SLC24A3: variants seen among roughly 807,000 people sequenced by gnomAD.
The protein encoded by SLC24A3 is solute carrier family 24 member 3, also known as sodium/potassium/calcium exchanger 3.
In SLC24A3, 28 loss-of-function variants were observed where a neutral mutation model predicts 75.8. The observed-to-expected ratio is 0.37, with a 90% CI of 0.27 to 0.51. The LOEUF (loss-of-function observed/expected upper bound fraction) is 0.51, where lower values mean the gene tolerates loss of function less well. SLC24A3 is among the 20% of genes least tolerant of loss of function. The pLI is 0.94. For missense variants in SLC24A3, 663 were observed against 847.8 expected, an observed-to-expected ratio of 0.78 and a Z score of 2.71; for synonymous variants, 372 against 334.1, an observed-to-expected ratio of 1.11 and a Z score of -1.24.
chr20:19,453,442 T>C (rs1987526339), intron 2 of SLC24A3, among the ~76,000 whole-genome samples: 1 of 152,138 alleles, frequency 6.6e-6, no homozygotes, highest in Non-Finnish European at 1.5e-5. Context: ...CTGATCTGGC[T>C]CTTTGATGAG....
At chr20:19,680,112 CTG>C (rs2032594994) in intron 9 of SLC24A3, among the ~76,000 whole-genome samples, 1 of 128,596 alleles carries the variant, frequency 7.8e-6, no homozygotes, top group Non-Finnish European at 1.6e-5. Context: ...GAGTGTGTGT[CTG>C]TGTCTGTGTG....
At chr20:19,717,370 C>A (rs1325468876) in intron 15 of SLC24A3, among the ~76,000 whole-genome samples, 158 bp from the exon 16 acceptor site, 1 of 152,222 alleles carries the variant, frequency 6.6e-6, no homozygotes, top group Admixed American at 6.5e-5. Flanking sequence ...CAAGTATAAG[C>A]TGTGGAGCTG....
chr20:19,316,763 T>G (rs1600425707), intron 2 of SLC24A3, among the ~76,000 whole-genome samples: 1 of 152,352 alleles, frequency 6.6e-6, no homozygotes, highest in East Asian at 1.9e-4. Flanking sequence ...CAGACTTCTT[T>G]AAGTGTTCCC....
chr20:19,698,728 C>G, intron 15 of SLC24A3, 48 bp downstream of exon 15: 1 of 1,441,974 alleles, frequency 6.9e-7, no homozygotes, highest in Non-Finnish European at 9.6e-7. Context: ...GGCTACGTGA[C>G]TGTGTTTTAA....
intron 3 of SLC24A3, among the ~76,000 whole-genome samples, chr20:19,561,889 A>G (rs1008408460): frequency 1.3e-5 from 2 of 152,168 alleles, no homozygotes; most frequent in Non-Finnish European, 2.9e-5. Flanking sequence ...TAACCACAGT[A>G]TCGTTACTAC....
At position 19,600,907 on chromosome 20, in the gene SLC24A3, C is replaced by G. The variant is rs73115825; in HGVS notation, c.612+15363C>G. Among the ~76,000 whole-genome samples the G allele has an allele frequency of 3.2e-3, 486 of 152,304 alleles. 4 individuals are homozygous for G. The highest frequency in any genetic ancestry group is 6.8e-3 in the Middle Eastern group (2 of 294). Reference sequence around the variant, plus strand: ...AACTCCTGGCCTCAAGTGATCCCCCCACTTCTGCCTCCCAAGGCACTGAGA... The same window carrying G: ...AACTCCTGGCCTCAAGTGATCCCCCGACTTCTGCCTCCCAAGGCACTGAGA... On this transcript the variant is annotated intron_variant, in intron 6 of 16. Transcript: ENST00000328041.
chr20:19,292,902 C>G (rs1983975978), intron 2 of SLC24A3, among the ~76,000 whole-genome samples: 1 of 152,194 alleles, frequency 6.6e-6, no homozygotes, highest in Non-Finnish European at 1.5e-5. Flanking sequence ...CTTACTCTGT[C>G]CTCACACTGA....
At chr20:19,282,085 C>T (rs563619217) in intron 2 of SLC24A3, among the ~76,000 whole-genome samples, 15 of 152,146 alleles carry the variant, frequency 9.9e-5, no homozygotes, top group East Asian at 1.9e-4. Context: ...AGTGTCAGCA[C>T]GGAAGGATAT....
chr20:19,510,396 GCTGAAGCTAAT>G (rs1462693051), intron 2 of SLC24A3, among the ~76,000 whole-genome samples: 7 of 152,220 alleles, frequency 4.6e-5, no homozygotes, highest in Non-Finnish European at 7.3e-5. Flanking sequence ...ACTGCTGTGT[GCTGAAGCTAAT>G]TATGTGTGTA....
In SLC24A3 at chr20:19,633,648, CAAAA is replaced by C. The variant is rs61251598; in HGVS notation, c.613-20395_613-20392del. Reference sequence around the variant, plus strand: ...TGGGCGACAGAGCGAGACTCCGTCTCAAAAAAAAAAAAAAAAAAAAAAGAATGCC... The same window carrying C: ...TGGGCGACAGAGCGAGACTCCGTCTCAAAAAAAAAAAAAAAAAAGAATGCC... On this transcript the variant is annotated intron_variant, in intron 6 of 16. Coordinates refer to ENST00000328041, the MANE Select transcript of SLC24A3 (RefSeq NM_020689.4). 3.5e-5 allele frequency among the ~76,000 whole-genome samples: 3 copies of C among 85,104 alleles called. No individual in the cohort carries two copies. The South Asian group carries it at 1.3e-3, about 38-fold the overall frequency. 55.8% of individuals were successfully genotyped at this position (85,104 alleles called of 152,430 possible). A position where few individuals can be genotyped will look rare whatever the true frequency, so the allele number is the denominator to read the frequency against.
chr20:19,263,491 C>G (rs1285880784), intron 1 of SLC24A3, among the ~76,000 whole-genome samples: 1 of 152,190 alleles, frequency 6.6e-6, no homozygotes, highest in African/African-American at 2.4e-5. Context: ...TAGGGGTTCA[C>G]TAGGGATGAG....
intron 6 of SLC24A3, among the ~76,000 whole-genome samples, chr20:19,638,058 G>C (rs144435555): frequency 6.6e-6 from 1 of 152,146 alleles, no homozygotes; most frequent in Non-Finnish European, 1.5e-5. Flanking sequence ...CATCCTCTAA[G>C]TTCCTTCCCC....
At chr20:19,527,999 A>G (rs1342676865) in intron 3 of SLC24A3, among the ~76,000 whole-genome samples, 1 of 152,154 alleles carries the variant, frequency 6.6e-6, no homozygotes, top group Non-Finnish European at 1.5e-5. Context: ...AGAGGCAACT[A>G]CTAGAAAGTA....
At chr20:19,554,483 G>T (rs1224171133) in intron 3 of SLC24A3, among the ~76,000 whole-genome samples, 1 of 152,108 alleles carries the variant, frequency 6.6e-6, no homozygotes, top group Non-Finnish European at 1.5e-5. Flanking sequence ...ATTACACTGG[G>T]CTCAGAGTTC....
rs34563517 is a variant in SLC24A3 at position 19,675,792 on chromosome 20, A to C, written c.767+2138A>C. 8.1e-3 allele frequency among the ~76,000 whole-genome samples: 1,232 copies of C among 152,328 alleles called. 12 individuals carry two copies. Among genetic ancestry groups the C allele is most frequent in the African/African-American group, 0.026 (1,090 of 41,566 alleles). ...TTCCAAACTTTCCAGCCCCCAAAGG[A>C]AAAGCCTTTAAAGATCAGAGTACCC... On this transcript the variant is annotated intron_variant, in intron 9 of 16. Coordinates refer to ENST00000328041, the MANE Select transcript of SLC24A3 (RefSeq NM_020689.4).
At chr20:19,523,941 C>T (rs1333237986) in intron 3 of SLC24A3, among the ~76,000 whole-genome samples, 2 of 152,174 alleles carry the variant, frequency 1.3e-5, no homozygotes, top group African/African-American at 2.4e-5. Context: ...CCTATTCTAC[C>T]TGAATACTGG....
At chr20:19,698,748 C>A in intron 15 of SLC24A3, 68 bp downstream of exon 15, 2 of 1,205,532 alleles carry the variant, frequency 1.7e-6, no homozygotes, top group Non-Finnish European at 2.4e-6. Flanking sequence ...ACAGCCTTGG[C>A]CACAGGGTCT....
At chr20:19,536,992 AAAGCAATGGC>A (rs1442073782) in intron 3 of SLC24A3, among the ~76,000 whole-genome samples, 1 of 152,204 alleles carries the variant, frequency 6.6e-6, no homozygotes, top group African/African-American at 2.4e-5. Flanking sequence ...TAAAACACCA[AAAGCAATGGC>A]AACAAAAGCC....
At chr20:19,343,445 C>T (rs1390620902) in intron 2 of SLC24A3, among the ~76,000 whole-genome samples, 4 of 152,056 alleles carry the variant, frequency 2.6e-5, no homozygotes, top group Non-Finnish European at 5.9e-5. Flanking sequence ...GCAATTAGAC[C>T]CCTCACCTGG....
Sources: gnomAD v4.1 joint callset for allele counts (sites outside exome capture counted in the v4.1 genomes callset) on GRCh38, gnomAD v4.1.1 for gene constraint, MANE v1.5 for transcripts, NCBI Gene and HGNC (gene_info 2026-07-23, HGNC 2026-07-21) for gene names.